PPP1R13B: variants seen among roughly 807,000 people sequenced by gnomAD.
PPP1R13B encodes protein phosphatase 1 regulatory subunit 13B, also known as apoptosis-stimulating of p53 protein 1.
A neutral mutation model predicts 119.8 loss-of-function variants in PPP1R13B; 44 were observed. The observed-to-expected ratio is 0.37, with a 90% CI of 0.29 to 0.47. The LOEUF (loss-of-function observed/expected upper bound fraction) is 0.47. Among genes scored for constraint, PPP1R13B ranks in the 20% least tolerant of loss-of-function variants. The probability of loss-of-function intolerance (pLI) is 0.99; values close to 1 mark genes in which losing one functional copy is unlikely to be tolerated. For synonymous variants in PPP1R13B, 542 were observed against 561.5 expected, an observed-to-expected ratio of 0.97 and a Z score of 0.49; for missense variants, 1,227 against 1,413.5, an observed-to-expected ratio of 0.87 and a Z score of 2.12.
chr14:103,798,811 TC>T (rs1160892622), intron 1 of PPP1R13B, among the ~76,000 whole-genome samples: 1 of 151,944 alleles, frequency 6.6e-6, no homozygotes, highest in Non-Finnish European at 1.5e-5. Context: ...CCAGAGATCC[TC>T]CCAAGTAGCT....
chr14:103,836,866 C>A (rs2086791648), intron 1 of PPP1R13B, among the ~76,000 whole-genome samples: 1 of 151,952 alleles, frequency 6.6e-6, no homozygotes, highest in African/African-American at 2.4e-5. Context: ...TTGCTGATAA[C>A]CACTATGCTC....
chr14:103,737,883 G>A (rs1376295896), intron 14 of PPP1R13B, 23 bp from the exon 15 acceptor site: 6 of 1,606,960 alleles, frequency 3.7e-6, no homozygotes, highest in Middle Eastern at 1.7e-4. Flanking sequence ...GTGGGTGAAG[G>A]TGCAGGCCTG....
intron 8 of PPP1R13B, chr14:103,747,317 T>C (rs1595718112): frequency 6.6e-6 from 1 of 152,260 alleles, no homozygotes; most frequent in African/African-American, 2.4e-5. Context: ...TGCTCAAAGG[T>C]ACCTAGGACC....
chr14:103,790,742 C>T lies in PPP1R13B; in HGVS notation c.158-5828G>A, dbSNP rs181472449. Among the ~76,000 whole-genome samples the T allele has an allele frequency of 2.6e-5, 4 of 152,296 alleles. No homozygotes were observed. The East Asian group carries it at 5.8e-4, about 22-fold the overall frequency. The stretch of plus-strand genomic sequence containing the variant: ...AAACAGGCTGAGCGTGGGTGGCTCA[C>T]GCCTGTGATCCCAGCACTTTGGGAA... On this transcript the variant is annotated intron_variant, in intron 2 of 16. Coordinates refer to ENST00000202556, the MANE Select transcript of PPP1R13B (RefSeq NM_015316.3).
intron 1 of PPP1R13B, chr14:103,840,021 TATG>T (rs1345424160): frequency 2.6e-5 from 4 of 152,240 alleles, no homozygotes; most frequent in Admixed American, 6.5e-5. Flanking sequence ...TATTGTTCTA[TATG>T]ATATCACCAA....
Position 103,738,618 on chromosome 14 carries a change from G to A in PPP1R13B, c.2864+61C>T, listed in dbSNP as rs970894858. The A allele has an allele frequency of 2.5e-5, 40 of 1,600,490 alleles. No individual in the cohort carries two copies. The highest frequency in any genetic ancestry group is 3.3e-5 in the Non-Finnish European group (39 of 1,170,138). On this transcript the variant is annotated intron_variant, in intron 14 of 16. Transcript: ENST00000202556. The surrounding 1 kb of genome is among the most constrained non-coding windows in gnomAD (Gnocchi z 5.6). ...CTTCCTAATTGTCTAGAACACGCCT[G>A]TTTTCCTTATGCAAAGCAGGGAAAG... is the stretch of plus-strand genomic sequence containing the variant.
chr14:103,845,207 A>T (rs2087000495), intron 1 of PPP1R13B, among the ~76,000 whole-genome samples: 1 of 145,260 alleles, frequency 6.9e-6, no homozygotes, highest in African/African-American at 2.7e-5. Context: ...AATATACAAT[A>T]AATCGAGAAA....
At position 103,734,838 on chromosome 14, in the gene PPP1R13B, T is replaced by C; in HGVS notation, c.*316A>G. Reference sequence around the variant, plus strand: ...GCCAAGTCAGTAAGAGCTTCTGTCTTCACTGGCAACCAACCGGGGGTTATG... The same window carrying C: ...GCCAAGTCAGTAAGAGCTTCTGTCTCCACTGGCAACCAACCGGGGGTTATG... On this transcript the variant is annotated 3_prime_UTR_variant, in exon 17 of 17. Transcript: ENST00000202556. The C allele has an allele frequency of 2.1e-6, 1 of 478,174 alleles. No homozygotes were observed. The highest frequency in any genetic ancestry group is 2.5e-5 in the Admixed American group (1 of 40,526). 29.6% of individuals were successfully genotyped at this position (478,174 alleles called of 1,614,324 possible). A position where few individuals can be genotyped will look rare whatever the true frequency, so the allele number is the denominator to read the frequency against.
chr14:103,778,596 G>T, intron 4 of PPP1R13B, 149 bp downstream of exon 4: 1 of 648,504 alleles, frequency 1.5e-6, no homozygotes, highest in Non-Finnish European at 2.8e-6. Flanking sequence ...TATAGACAGA[G>T]GGTCTCACCA....
At chr14:103,832,705 TC>T (rs1396196014) in intron 1 of PPP1R13B, among the ~76,000 whole-genome samples, 1 of 152,050 alleles carries the variant, frequency 6.6e-6, no homozygotes, top group East Asian at 1.9e-4. Flanking sequence ...ATGCCTATAA[TC>T]CCAGCATCCC....
intron 1 of PPP1R13B, among the ~76,000 whole-genome samples, chr14:103,823,055 T>C (rs1052204635): frequency 6.6e-6 from 1 of 151,750 alleles, no homozygotes; most frequent in Non-Finnish European, 1.5e-5. Flanking sequence ...CAGGGACAAT[T>C]TGGCCGGGCA....
rs781145152 is a variant in PPP1R13B, at chr14:103,735,004, A to T, written c.*150T>A. 1 of 891,272 alleles carries T rather than the reference A, an allele frequency of 1.1e-6. No homozygotes were observed. Among genetic ancestry groups the T allele is most frequent in the Admixed American group, 2.0e-5 (1 of 50,438 alleles). The allele number at this position is 891,272 out of a possible 1,614,324, so 55.2% of individuals were successfully genotyped here. ...AAACTGGAGAAAGGGCCTCACCTGGAAACTGTAGGATTCACATTGTGGACG... is the reference window on the plus strand; with the variant it reads ...AAACTGGAGAAAGGGCCTCACCTGGTAACTGTAGGATTCACATTGTGGACG... On this transcript the variant is annotated 3_prime_UTR_variant, in exon 17 of 17. Transcript: ENST00000202556.
At chr14:103,735,237 C>T in intron 16 of PPP1R13B, 42 bp from the exon 17 acceptor site, 1 of 1,609,660 alleles carries the variant, frequency 6.2e-7, no homozygotes, top group South Asian at 1.1e-5. Flanking sequence ...AAGCCACACA[C>T]AGGGAGCAGG....
Position 103,840,806 on chromosome 14 carries a change from GAAAGA to G in PPP1R13B, c.9+6488_9+6492del, listed in dbSNP as rs558082845. On this transcript the variant is annotated intron_variant, in intron 1 of 16. Coordinates refer to ENST00000202556, the MANE Select transcript of PPP1R13B (RefSeq NM_015316.3). ...ACTTCCTCTCAAAAAAAAAAAGAAA[GAAAGA>G]AAAGAAAAGAACATTATTGTGTATT... 8.7e-4 allele frequency among the ~76,000 whole-genome samples: 132 copies of G among 151,410 alleles called. 3 individuals are homozygous for G. In the East Asian group the frequency reaches 0.02, roughly 23 times the overall value.
At position 103,803,935 on chromosome 14, in the gene PPP1R13B, T is replaced by C. The variant is rs953288423; in HGVS notation, c.10-6417A>G. 9.7e-5 allele frequency: 58 copies of C among 596,234 alleles called. No homozygotes were observed. In the Admixed American group the frequency reaches 1.8e-3, roughly 19 times the overall value. 36.9% of individuals were successfully genotyped at this position (596,234 alleles called of 1,614,324 possible). A position where few individuals can be genotyped will look rare whatever the true frequency, so the allele number is the denominator to read the frequency against. ...TGACCCAACCTCAGATAAAGCCTCC[T>C]CTTCTCCCCTGCTGTAACAGACTGT... On this transcript the variant is annotated intron_variant, in intron 1 of 16. Transcript: ENST00000202556.
At chr14:103,828,348 A>C (rs2086597288) in intron 1 of PPP1R13B, among the ~76,000 whole-genome samples, 1 of 150,280 alleles carries the variant, frequency 6.7e-6, no homozygotes. Flanking sequence ...CAGCCTGGGC[A>C]ACAAGAGCGA....
chr14:103,745,304 A>T (rs879909604), intron 9 of PPP1R13B, among the ~76,000 whole-genome samples: 5 of 152,232 alleles, frequency 3.3e-5, no homozygotes, highest in Admixed American at 6.5e-5. Context: ...AATGAAGCAA[A>T]CAAAGATGAG....
intron 7 of PPP1R13B, among the ~76,000 whole-genome samples, chr14:103,752,332 A>T (rs544287442): frequency 3.0e-4 from 45 of 152,152 alleles, no homozygotes; most frequent in Non-Finnish European, 6.3e-4. Context: ...ACAGAGACAG[A>T]AAGTAGATCT....
At position 103,746,721 on chromosome 14, in the gene PPP1R13B, G is replaced by A. The variant is rs2084395228; in HGVS notation, c.970-168C>T. On this transcript the variant is annotated intron_variant, in intron 8 of 16. Transcript: ENST00000202556. ...ATCTAGAAGGGGAGACTGTGGAGAAGGAACTGTAGCTTCCTATGAGCAATT... is the reference window on the plus strand; with the variant it reads ...ATCTAGAAGGGGAGACTGTGGAGAAAGAACTGTAGCTTCCTATGAGCAATT... The A allele has an allele frequency of 1.1e-5, 6 of 545,416 alleles. No individual in the cohort carries two copies. In the East Asian group the frequency reaches 1.9e-4, roughly 18 times the overall value. 33.8% of individuals were successfully genotyped at this position (545,416 alleles called of 1,614,324 possible).
Sources: gnomAD v4.1 joint callset for allele counts (sites outside exome capture counted in the v4.1 genomes callset) on GRCh38, gnomAD v4.1.1 for gene constraint, Gnocchi (gnomAD v3.1) non-coding constraint, MANE v1.5 for transcripts, NCBI Gene and HGNC (gene_info 2026-07-23, HGNC 2026-07-21) for gene names.